The following PDE7A variants were observed in gnomAD, a reference collection of about 807,000 sequenced individuals.
The protein encoded by PDE7A is high affinity 3',5'-cyclic-AMP phosphodiesterase 7A.
In PDE7A, 39 loss-of-function variants were observed where a neutral mutation model predicts 64.3. The ratio of observed to expected loss-of-function variants is 0.61; its 90% CI spans 0.47 to 0.79. The LOEUF (loss-of-function observed/expected upper bound fraction) is 0.79, where lower values mean the gene tolerates loss of function less well. PDE7A is among the 30% of genes least tolerant of loss of function. PDE7A has a pLI of 0.00. For synonymous variants in PDE7A, 203 were observed against 206.8 expected, an observed-to-expected ratio of 0.98 and a Z score of 0.16; for missense variants, 470 against 582.8, an observed-to-expected ratio of 0.81 and a Z score of 1.99.
At chr8:65,761,699 C>T (rs1808501637) in intron 3 of PDE7A, among the ~76,000 whole-genome samples, 1 of 152,232 alleles carries the variant, frequency 6.6e-6, no homozygotes, top group Non-Finnish European at 1.5e-5. Context: ...ACTTAGTGAT[C>T]ACGGGTATTA....
At chr8:65,727,118 AG>A (rs1806643713) in intron 8 of PDE7A, 51 bp downstream of exon 8, 4 of 1,202,020 alleles carry the variant, frequency 3.3e-6, no homozygotes, top group Non-Finnish European at 4.9e-6. Context: ...AAAATATGAA[AG>A]ATTTTCTAGA....
chr8:65,804,846 C>CTTTTA (rs10690816), intron 1 of PDE7A, among the ~76,000 whole-genome samples: 28,139 of 151,506 alleles, frequency 0.19, 3,522 homozygotes, highest in African/African-American at 0.37. Flanking sequence ...GCCAAGTTTT[C>CTTTTA]TTTTATTTTG....
chr8:65,792,904 T>G (rs1032480055), intron 1 of PDE7A, among the ~76,000 whole-genome samples: 1 of 152,216 alleles, frequency 6.6e-6, no homozygotes, highest in African/African-American at 2.4e-5. Context: ...AATTAAGACC[T>G]TTCTGTAATA....
intron 1 of PDE7A, among the ~76,000 whole-genome samples, chr8:65,803,750 ATATGCT>A (rs1279983204): frequency 1.3e-5 from 2 of 152,206 alleles, no homozygotes; most frequent in Non-Finnish European, 2.9e-5. Flanking sequence ...TATATTTGAA[ATATGCT>A]TATATATATG....
At chr8:65,797,386 T>A (rs1016464771) in intron 1 of PDE7A, among the ~76,000 whole-genome samples, 1 of 152,208 alleles carries the variant, frequency 6.6e-6, no homozygotes, top group African/African-American at 2.4e-5. Flanking sequence ...CATGTGAAGA[T>A]AGAGGCAGAG....
intron 6 of PDE7A, 45 bp downstream of exon 6, chr8:65,739,457 T>C (rs1179927987): frequency 6.6e-7 from 1 of 1,508,406 alleles, no homozygotes. Context: ...CAGGTTCTTG[T>C]ATAAATGTAA....
Position 65,719,131 on chromosome 8 carries a change from C to T in PDE7A, c.*159G>A, listed in dbSNP as rs1375116533. On this transcript the variant is annotated 3_prime_UTR_variant, in exon 13 of 13. Coordinates refer to ENST00000401827, the MANE Select transcript of PDE7A (RefSeq NM_001242318.3). ...GGGTCTTGCAATTAACAAGTGGGTTCAAATGATCCAACAGAGGAAATCTTG... is the reference window on the plus strand; with the variant it reads ...GGGTCTTGCAATTAACAAGTGGGTTTAAATGATCCAACAGAGGAAATCTTG... The T allele has an allele frequency of 1.6e-6, 1 of 614,658 alleles. No individual in the cohort carries two copies. Among genetic ancestry groups the T allele is most frequent in the Admixed American group, 2.8e-5 (1 of 35,396 alleles). 38.1% of individuals were successfully genotyped at this position (614,658 alleles called of 1,614,324 possible). A position where few individuals can be genotyped will look rare whatever the true frequency, so the allele number is the denominator to read the frequency against.
chr8:65,714,950 A>G lies in PDE7A; in HGVS notation c.*4340T>C, dbSNP rs1179144048. ...ACCAACCATCACATTTACAGTGAGT[A>G]CAAATATTGACCAGGAACCAATTTT... On this transcript the variant is annotated 3_prime_UTR_variant, in exon 13 of 13. Transcript: ENST00000401827. 6.6e-6 allele frequency among the ~76,000 whole-genome samples: 1 copy of G among 152,204 alleles called. No individual in the cohort carries two copies. Among genetic ancestry groups the G allele is most frequent in the Non-Finnish European group, 1.5e-5 (1 of 68,042 alleles).
At chr8:65,806,591 G>A (rs1329192598) in intron 1 of PDE7A, among the ~76,000 whole-genome samples, 3 of 152,206 alleles carry the variant, frequency 2.0e-5, no homozygotes, top group Non-Finnish European at 4.4e-5. Flanking sequence ...ATTAACTTAT[G>A]TTGCCAGATA....
intron 3 of PDE7A, among the ~76,000 whole-genome samples, chr8:65,749,322 T>A (rs1807826311): frequency 6.6e-6 from 1 of 152,210 alleles, no homozygotes; most frequent in African/African-American, 2.4e-5. Context: ...ATACTATTTT[T>A]AAAATATCTG....
chr8:65,734,925 T>C, intron 6 of PDE7A, 31 bp from the exon 7 acceptor site: 1 of 1,346,480 alleles, frequency 7.4e-7, no homozygotes, highest in Non-Finnish European at 1.1e-6. Context: ...CCGATTTTAT[T>C]GTATATGAGC....
At chr8:65,786,664 C>T (rs1809566322) in intron 1 of PDE7A, among the ~76,000 whole-genome samples, 1 of 152,056 alleles carries the variant, frequency 6.6e-6, no homozygotes, top group African/African-American at 2.4e-5. Context: ...AACAGTAAAA[C>T]AAATTTCATC....
At chr8:65,813,317 TA>T (rs972354614) in intron 1 of PDE7A, among the ~76,000 whole-genome samples, 8 of 150,920 alleles carry the variant, frequency 5.3e-5, no homozygotes, top group African/African-American at 7.3e-5. Flanking sequence ...AAAGTACTAT[TA>T]AAAAAAAATA....
rs780185983 is a variant in PDE7A, at chr8:65,782,858, A to C, written c.139-15T>G. On this transcript the variant is annotated splice_polypyrimidine_tract_variant and intron_variant, in intron 1 of 12. Transcript: ENST00000401827. ...GCTCCACGCCTCTAGAAAAAAAAAT[A>C]CACATTATAATACATGACAATTAAA... 17 of 1,432,394 alleles carry C rather than the reference A, an allele frequency of 1.2e-5. No individual in the cohort carries two copies. The Middle Eastern group carries it at 5.3e-4, about 44-fold the overall frequency. The allele number at this position is 1,432,394 out of a possible 1,614,324, so 88.7% of individuals were successfully genotyped here.
chr8:65,796,078 C>T (rs931254872), intron 1 of PDE7A, among the ~76,000 whole-genome samples: 13 of 150,862 alleles, frequency 8.6e-5, no homozygotes, highest in African/African-American at 3.2e-4. Flanking sequence ...ATTACCTAAC[C>T]TGATGCACAC....
chr8:65,740,969 A>G (rs2128902292), intron 5 of PDE7A, among the ~76,000 whole-genome samples: 1 of 152,256 alleles, frequency 6.6e-6, no homozygotes, highest in African/African-American at 2.4e-5. Context: ...CGCAATGGGG[A>G]CTGTTTTCGT....
chr8:65,812,813 T>C (rs2128930323), intron 1 of PDE7A, among the ~76,000 whole-genome samples: 1 of 152,360 alleles, frequency 6.6e-6, no homozygotes, highest in South Asian at 2.1e-4. Flanking sequence ...GATACCTTTT[T>C]ATTTTAACCT....
chr8:65,810,498 A>C (rs971324729), intron 1 of PDE7A, among the ~76,000 whole-genome samples: 1 of 152,226 alleles, frequency 6.6e-6, no homozygotes, highest in Non-Finnish European at 1.5e-5. Flanking sequence ...AAGTGTAATA[A>C]AAAAAGTATT....
intron 1 of PDE7A, among the ~76,000 whole-genome samples, chr8:65,809,905 T>C (rs889153509): frequency 6.6e-6 from 1 of 152,140 alleles, no homozygotes; most frequent in Non-Finnish European, 1.5e-5. Context: ...GGTGGGAGTG[T>C]AAATTAGTTC....
Sources: gnomAD v4.1 joint callset for allele counts (sites outside exome capture counted in the v4.1 genomes callset) on GRCh38, gnomAD v4.1.1 for gene constraint, MANE v1.5 for transcripts, NCBI Gene and HGNC (gene_info 2026-07-23, HGNC 2026-07-21) for gene names.